ZNF516: variants seen among roughly 807,000 people sequenced by gnomAD.
The protein encoded by ZNF516 is zinc finger protein 516.
In ZNF516, 19 loss-of-function variants were observed where a neutral mutation model predicts 79.7. The ratio of observed to expected loss-of-function variants is 0.24; its 90% CI spans 0.17 to 0.35. The LOEUF (loss-of-function observed/expected upper bound fraction) is 0.35, where lower values mean the gene tolerates loss of function less well. Ranked by LOEUF, ZNF516 falls within the 10% of genes least tolerant of loss-of-function variation. The pLI is 1.00. For missense variants in ZNF516, 1,678 were observed against 1,679.5 expected, an observed-to-expected ratio of 1.00 and a Z score of 0.02; for synonymous variants, 877 against 739.5, an observed-to-expected ratio of 1.19 and a Z score of -3.02.
In ZNF516 at chr18:76,476,987, TAACA is replaced by T. The variant is rs770000396; in HGVS notation, c.-271-13850_-271-13847del. Among the ~76,000 whole-genome samples, 89 of 152,326 alleles carry T rather than the reference TAACA, an allele frequency of 5.8e-4. 1 individual carries two copies. The highest frequency in any genetic ancestry group is 1.5e-3 in the Admixed American group (23 of 15,308). On this transcript the variant is annotated intron_variant, in intron 1 of 6. Coordinates refer to ENST00000443185, the MANE Select transcript of ZNF516 (RefSeq NM_014643.4). ...TGAAAAGAATTTTGGGCTGGTCCAC[TAACA>T]AACAGTCGTCCTAAAAGTAAAGGTC... is the stretch of plus-strand genomic sequence containing the variant.
chr18:76,422,070 TAAATCCCAGAAAA>T (rs2075515717), intron 3 of ZNF516, among the ~76,000 whole-genome samples: 1 of 152,242 alleles, frequency 6.6e-6, no homozygotes, highest in Admixed American at 6.5e-5. Context: ...CAAGTGAAGG[TAAATCCCAGAAAA>T]ATTCAGCCAG....
chr18:76,456,514 A>AAGG (rs55701511), intron 2 of ZNF516, among the ~76,000 whole-genome samples: 10,550 of 152,260 alleles, frequency 0.069, 363 homozygotes, highest in African/African-American at 0.092. Context: ...GCTTCAAGCT[A>AAGG]AGGAGTCCAC....
intron 3 of ZNF516, among the ~76,000 whole-genome samples, chr18:76,417,394 G>GTCT (rs1398590029): frequency 1.3e-5 from 2 of 152,186 alleles, no homozygotes; most frequent in Non-Finnish European, 2.9e-5. Context: ...AATCTCAAAA[G>GTCT]TCTTCTGCCT....
At chr18:76,401,788 C>G (rs191284036) in intron 3 of ZNF516, among the ~76,000 whole-genome samples, 250 of 48,074 alleles carry the variant, frequency 5.2e-3, no homozygotes, top group South Asian at 9.1e-3. Context: ...ACCAACCACA[C>G]CCCCGCGCCG....
intron 3 of ZNF516, among the ~76,000 whole-genome samples, chr18:76,398,048 C>T (rs2075169348): frequency 6.6e-6 from 1 of 152,208 alleles, no homozygotes. Context: ...TCCATGACAG[C>T]TTTCGGTTAA....
chr18:76,460,484 C>T (rs1290211345), intron 2 of ZNF516, among the ~76,000 whole-genome samples: 1 of 152,126 alleles, frequency 6.6e-6, no homozygotes, highest in Non-Finnish European at 1.5e-5. Context: ...GCTACAAAAG[C>T]GACCACTGTG....
At chr18:76,420,868 T>C (rs899874970) in intron 3 of ZNF516, among the ~76,000 whole-genome samples, 3 of 152,244 alleles carry the variant, frequency 2.0e-5, no homozygotes, top group African/African-American at 7.2e-5. Flanking sequence ...TCATCCACAA[T>C]ATCAATAAGT....
intron 4 of ZNF516, among the ~76,000 whole-genome samples, chr18:76,376,692 G>A (rs957303454): frequency 1.1e-4 from 16 of 152,016 alleles, no homozygotes; most frequent in African/African-American, 3.4e-4. Context: ...CAGCAACTAC[G>A]CCACCCACAG....
intron 3 of ZNF516, among the ~76,000 whole-genome samples, chr18:76,432,621 G>A (rs2145464348): frequency 6.6e-6 from 1 of 152,316 alleles, no homozygotes; most frequent in South Asian, 2.1e-4. Flanking sequence ...CCACTCTCTG[G>A]GCCCCAGCGC....
At chr18:76,447,627 G>A (rs1912136954) in intron 2 of ZNF516, among the ~76,000 whole-genome samples, 1 of 152,210 alleles carries the variant, frequency 6.6e-6, no homozygotes, top group Non-Finnish European at 1.5e-5. Context: ...GAGCCAAGGT[G>A]GAGGGTACAG....
chr18:76,480,650 G>A (rs1914473068), intron 1 of ZNF516, among the ~76,000 whole-genome samples: 1 of 152,000 alleles, frequency 6.6e-6, no homozygotes, highest in East Asian at 1.9e-4. Context: ...AGTCTCCCAA[G>A]TAGCTGGGAT....
In ZNF516 at chr18:76,443,033, C is replaced by T; in HGVS notation, c.22G>A (p.Glu8Lys). 1.9e-6 allele frequency: 3 copies of T among 1,594,128 alleles called. No individual in the cohort carries two copies. The highest frequency in any genetic ancestry group is 2.6e-6 in the Non-Finnish European group (3 of 1,175,894). ...CTGGGGCCTCGCCTCAGCTCCATCT[C>T]GGCCTCTCTGTTGCGATCCATCCGA... MDRNREA[E>K]MELRRGPSPT... The change falls in exon 3 of 7, where the codon GAG (glutamate) becomes AAG (lysine). Residue 8 changes from glutamate (E) to lysine (K), a missense_variant. Glu to Lys is a moderately conservative substitution (Grantham distance 56, BLOSUM62 1). This residue lies in a region of ZNF516 where 62 missense variants were observed against 58.9 expected (regional missense o/e 1.05). Transcript: ENST00000443185.
chr18:76,455,630 A>G (rs1912675456), intron 2 of ZNF516, among the ~76,000 whole-genome samples: 1 of 152,222 alleles, frequency 6.6e-6, no homozygotes. Flanking sequence ...CATCTGATTC[A>G]AGAAAATTAC....
intron 4 of ZNF516, among the ~76,000 whole-genome samples, chr18:76,376,323 C>T (rs1006127294): frequency 6.6e-6 from 1 of 152,164 alleles, no homozygotes. Flanking sequence ...CCTAATAATG[C>T]ACCTACTAAC....
chr18:76,438,275 T>C (rs2145507573), intron 3 of ZNF516, among the ~76,000 whole-genome samples: 1 of 152,336 alleles, frequency 6.6e-6, no homozygotes, highest in South Asian at 2.1e-4. Flanking sequence ...TTTTGGCCCA[T>C]ACACTGAAGG....
chr18:76,401,131 T>C (rs905808726), intron 3 of ZNF516, among the ~76,000 whole-genome samples: 1 of 152,226 alleles, frequency 6.6e-6, no homozygotes, highest in African/African-American at 2.4e-5. Context: ...ATGGGAGTTA[T>C]TTATATCCTA....
chr18:76,366,944 C>G (rs1237151562), intron 6 of ZNF516, among the ~76,000 whole-genome samples: 1 of 152,208 alleles, frequency 6.6e-6, no homozygotes, highest in Non-Finnish European at 1.5e-5. Context: ...CAGAGTAGAA[C>G]TGGCTGACCT....
chr18:76,395,228 G>C (rs2075128349), intron 3 of ZNF516, among the ~76,000 whole-genome samples: 1 of 152,198 alleles, frequency 6.6e-6, no homozygotes, highest in Non-Finnish European at 1.5e-5. Flanking sequence ...TGCTGCCGCA[G>C]GGCCTCTGCG....
At chr18:76,490,094 C>A (rs905989800) in intron 1 of ZNF516, 2 of 899,972 alleles carry the variant, frequency 2.2e-6, no homozygotes, top group Non-Finnish European at 2.7e-6. Context: ...TGTGCCTTAA[C>A]ACACCAAAAT....
Sources: allele counts gnomAD v4.1 joint callset (sites outside exome capture counted in the v4.1 genomes callset), GRCh38; gene constraint gnomAD v4.1.1; regional missense constraint gnomAD v4.1.1; transcripts MANE v1.5; gene names NCBI Gene and HGNC (gene_info 2026-07-23, HGNC 2026-07-21).